LARP4: variants seen among roughly 807,000 people sequenced by gnomAD.
The protein encoded by LARP4 is la-related protein 4.
In LARP4, 29 loss-of-function variants were observed where a neutral mutation model predicts 92.9. The ratio of observed to expected loss-of-function variants is 0.31; its 90% CI spans 0.23 to 0.43. The LOEUF (loss-of-function observed/expected upper bound fraction) is 0.43. LARP4 is among the 20% of genes least tolerant of loss of function. The probability of loss-of-function intolerance (pLI) is 1.00; values close to 1 mark genes in which losing one functional copy is unlikely to be tolerated. For synonymous variants in LARP4, 279 were observed against 284.1 expected (o/e 0.98, Z 0.18); for missense variants, 732 against 860.0 (o/e 0.85, Z 1.86).
intron 13 of LARP4, among the ~76,000 whole-genome samples, chr12:50,472,020 A>G (rs887031217): frequency 3.9e-5 from 6 of 152,002 alleles, no homozygotes; most frequent in African/African-American, 1.4e-4. Flanking sequence ...TGCTGTTTTT[A>G]TTTCATGCTT....
Position 50,462,169 on chromosome 12 carries a change from A to G in LARP4, c.1335-413A>G, listed in dbSNP as rs572805877. On this transcript the variant is annotated intron_variant, in intron 11 of 15. Transcript: ENST00000398473. ...AATAGAGAAAACTAGCCCCAAATGT[A>G]GAAAGATGTTTAAATTGAAATGTAT... Among the ~76,000 whole-genome samples the G allele has an allele frequency of 3.3e-4, 50 of 152,186 alleles. No homozygotes were observed. The Middle Eastern group carries it at 0.01, about 31-fold the overall frequency.
At chr12:50,473,010 A>G (rs1957103442) in intron 13 of LARP4, among the ~76,000 whole-genome samples, 1 of 150,708 alleles carries the variant, frequency 6.6e-6, no homozygotes, top group African/African-American at 2.4e-5. Context: ...TTTAGTAGAG[A>G]TGGGATTTCA....
intron 8 of LARP4, among the ~76,000 whole-genome samples, chr12:50,452,404 A>C (rs1346757518): frequency 6.6e-6 from 1 of 151,994 alleles, no homozygotes; most frequent in East Asian, 1.9e-4. Flanking sequence ...CTGGTCTGGA[A>C]TTCATGACCT....
intron 4 of LARP4, among the ~76,000 whole-genome samples, chr12:50,432,860 C>A (rs75622226): frequency 5.8e-3 from 717 of 124,064 alleles, no homozygotes; most frequent in Non-Finnish European, 7.3e-3. Context: ...GACTTCGTTT[C>A]AAAAAAAAAA....
At chr12:50,426,731 G>GTGTGTGTGT (rs1483728898) in intron 1 of LARP4, among the ~76,000 whole-genome samples, 70 of 79,692 alleles carry the variant, frequency 8.8e-4, no homozygotes, top group Middle Eastern at 6.6e-3. Context: ...GTGTGTGTGT[G>GTGTGTGTGT]GTTTTTTTTT....
intron 5 of LARP4, among the ~76,000 whole-genome samples, chr12:50,436,051 CTG>C (rs57676021): frequency 0.016 from 2,168 of 137,692 alleles, 64 homozygotes; most frequent in African/African-American, 0.059. Context: ...TTTACTGACT[CTG>C]TGTGTGTGTG....
chr12:50,450,105 TTG>T (rs1373945921), intron 8 of LARP4, among the ~76,000 whole-genome samples: 1 of 151,818 alleles, frequency 6.6e-6, no homozygotes, highest in African/African-American at 2.4e-5. Context: ...AGCTAATTTT[TTG>T]TGTTTTTAGT....
chr12:50,468,231 G>A (rs1956424024), intron 13 of LARP4, among the ~76,000 whole-genome samples: 1 of 152,008 alleles, frequency 6.6e-6, no homozygotes, highest in Admixed American at 6.6e-5. Flanking sequence ...GCCCACCTCG[G>A]CCTCCCAAAG....
chr12:50,412,473 A>T (rs1309642852), intron 1 of LARP4: 1 of 929,686 alleles, frequency 1.1e-6, no homozygotes, highest in East Asian at 1.2e-4. Context: ...ACAAAAGGTT[A>T]TGTATGTCCG....
intron 8 of LARP4, among the ~76,000 whole-genome samples, chr12:50,448,253 C>T (rs60010359): frequency 0.11 from 16,658 of 152,100 alleles, 1,816 homozygotes; most frequent in East Asian, 0.48. Flanking sequence ...TCTTTTTCCC[C>T]CCATCTTAAC....
intron 8 of LARP4, among the ~76,000 whole-genome samples, chr12:50,447,462 A>G (rs965910446): frequency 6.6e-6 from 1 of 152,196 alleles, no homozygotes; most frequent in Non-Finnish European, 1.5e-5. Context: ...CAAGTGTTAG[A>G]GCATTTTTTT....
intron 1 of LARP4, among the ~76,000 whole-genome samples, chr12:50,409,131 G>C (rs552582584): frequency 6.6e-5 from 10 of 152,046 alleles, no homozygotes; most frequent in Admixed American, 3.9e-4. Context: ...GTAAAATTAA[G>C]ATACATTTAT....
intron 12 of LARP4, among the ~76,000 whole-genome samples, chr12:50,463,341 T>G (rs569720750): frequency 6.7e-6 from 1 of 148,812 alleles, no homozygotes; most frequent in Admixed American, 6.7e-5. Context: ...GTCAGCTCTT[T>G]GTGAGGCTGA....
intron 8 of LARP4, among the ~76,000 whole-genome samples, chr12:50,451,330 C>T (rs1953149367): frequency 6.6e-6 from 1 of 152,154 alleles, no homozygotes; most frequent in South Asian, 2.1e-4. Context: ...TCTTTATGTG[C>T]CTGCCCTATT....
intron 8 of LARP4, among the ~76,000 whole-genome samples, chr12:50,447,273 C>G (rs777806609): frequency 6.6e-6 from 1 of 152,108 alleles, no homozygotes; most frequent in Non-Finnish European, 1.5e-5. Flanking sequence ...TGGTACCAAG[C>G]ATTTTGGGTA....
chr12:50,445,122 CTT>C (rs1335589547), intron 8 of LARP4, among the ~76,000 whole-genome samples: 1 of 151,068 alleles, frequency 6.6e-6, no homozygotes, highest in Non-Finnish European at 1.5e-5. Context: ...AGGTTGGTCT[CTT>C]AACTCCTGAG....
chr12:50,408,439 C>T (rs1354315049), intron 1 of LARP4, among the ~76,000 whole-genome samples: 10 of 151,924 alleles, frequency 6.6e-5, no homozygotes, highest in African/African-American at 1.9e-4. Flanking sequence ...TCAGGTGATC[C>T]GCCCTCCTCG....
intron 8 of LARP4, among the ~76,000 whole-genome samples, chr12:50,443,874 A>G (rs1296313331): frequency 1.3e-5 from 2 of 152,136 alleles, no homozygotes; most frequent in African/African-American, 4.8e-5. Context: ...CGGCCTCCCA[A>G]AGTGCTGGGA....
At chr12:50,451,171 A>G (rs1953119806) in intron 8 of LARP4, among the ~76,000 whole-genome samples, 1 of 152,146 alleles carries the variant, frequency 6.6e-6, no homozygotes, top group Non-Finnish European at 1.5e-5. Context: ...TCCAGAACTT[A>G]TTTCTTCTAA....
Sources: allele counts gnomAD v4.1 joint callset (sites outside exome capture counted in the v4.1 genomes callset), GRCh38; gene constraint gnomAD v4.1.1; transcripts MANE v1.5; gene names NCBI Gene and HGNC (gene_info 2026-07-23, HGNC 2026-07-21).